The following COL16A1 variants were observed in gnomAD, a reference collection of about 807,000 sequenced individuals.
COL16A1 encodes the protein collagen alpha-1(XVI) chain.
COL16A1 carries 189 observed loss-of-function variants against 266.3 expected under a neutral mutation model. The ratio of observed to expected loss-of-function variants is 0.71; its 90% CI spans 0.63 to 0.80. The LOEUF (loss-of-function observed/expected upper bound fraction) is 0.80. COL16A1 is among the 30% of genes least tolerant of loss of function. The probability of loss-of-function intolerance (pLI) is 0.00; values close to 1 mark genes in which losing one functional copy is unlikely to be tolerated. For missense variants in COL16A1, 1,928 were observed against 2,122.4 expected, an observed-to-expected ratio of 0.91 and a Z score of 1.80; for synonymous variants, 740 against 782.3, an observed-to-expected ratio of 0.95 and a Z score of 0.90.
rs761255035 is a variant in COL16A1 at position 31,692,076 on chromosome 1, G to A, written c.1195-9C>T. On this transcript the variant is annotated splice_polypyrimidine_tract_variant and intron_variant, in intron 16 of 70. Coordinates refer to ENST00000373672, the MANE Select transcript of COL16A1 (RefSeq NM_001856.4). ...TTCTCGCCTTTCTGGCCCTGGGGAA[G>A]GAAGAAGCAGAGTGACCAGGATGAG... is the stretch of plus-strand genomic sequence containing the variant. The A allele has an allele frequency of 2.1e-5, 34 of 1,613,648 alleles. No individual in the cohort carries two copies. In the Admixed American group the frequency reaches 3.7e-4, roughly 17 times the overall value.
intron 1 of COL16A1, among the ~76,000 whole-genome samples, chr1:31,702,724 C>A (rs1644765112): frequency 6.6e-6 from 1 of 152,208 alleles, no homozygotes; most frequent in Admixed American, 6.5e-5. Context: ...CCCTCCCAGG[C>A]ACCCACAGGG....
At chr1:31,665,963 G>T (rs760642068) in intron 53 of COL16A1, 28 bp from the exon 54 acceptor site, 9 of 1,613,838 alleles carry the variant, frequency 5.6e-6, no homozygotes, top group Non-Finnish European at 7.6e-6. Flanking sequence ...CAATGCAGCC[G>T]AAACCTAATC....
At chr1:31,653,531 GA>G in intron 70 of COL16A1, 67 bp downstream of exon 70, 2 of 1,525,400 alleles carry the variant, frequency 1.3e-6, no homozygotes, top group Non-Finnish European at 1.8e-6. Context: ...CTGTGTCATA[GA>G]AGAAACAGAA....
chr1:31,684,925 A>G (rs1445496439), intron 29 of COL16A1, 69 bp from the exon 30 acceptor site: 10 of 1,608,770 alleles, frequency 6.2e-6, no homozygotes, highest in Non-Finnish European at 8.5e-6. Context: ...GCACCACATC[A>G]GGCTGGGGCA....
At position 31,699,846 on chromosome 1, in the gene COL16A1, C is replaced by A. The variant is rs573984488; in HGVS notation, c.233G>T (p.Arg78Leu). Residue 78 changes from arginine (R) to leucine (L), a missense_variant, in exon 4 of 71, where the codon CGC becomes CTC. By Grantham distance (102) the Arg-to-Leu change is moderately radical (BLOSUM62 -2). Around this residue, in one of 2 missense-constraint regions of COL16A1, gnomAD observed 1,552 missense variants for 1,637.2 expected, o/e 0.95. Coordinates refer to ENST00000373672, the MANE Select transcript of COL16A1 (RefSeq NM_001856.4). ...CTGGGTCACGGGGGCCGCCCCCAGG[C>A]GCAGGATGAGAGGCCCCTTGGGGTT... Reference protein sequence around the residue: ...IRNPKGPLILRLGAAPVTQPT... With the variant: ...IRNPKGPLILLLGAAPVTQPT... The A allele has an allele frequency of 1.9e-6, 3 of 1,613,458 alleles. No homozygotes were observed. Among genetic ancestry groups the A allele is most frequent in the Non-Finnish European group, 2.5e-6 (3 of 1,179,550 alleles).
chr1:31,680,675 TG>T lies in COL16A1; in HGVS notation c.2610+229del, dbSNP rs201212324. Among the ~76,000 whole-genome samples, 30 of 152,246 alleles carry T rather than the reference TG, an allele frequency of 2.0e-4. No homozygotes were observed. In the East Asian group the frequency reaches 5.4e-3, roughly 27 times the overall value. ...TCCCAGGCCAGCAACCAGGTGAAGC[TG>T]GGGATACGTGGAGCCCCTGAAACCA... is the stretch of plus-strand genomic sequence containing the variant. On this transcript the variant is annotated intron_variant, in intron 39 of 70. Coordinates refer to ENST00000373672, the MANE Select transcript of COL16A1 (RefSeq NM_001856.4).
intron 8 of COL16A1, among the ~76,000 whole-genome samples, chr1:31,696,560 G>A (rs1644510807): frequency 6.6e-6 from 1 of 152,234 alleles, no homozygotes; most frequent in Non-Finnish European, 1.5e-5. Context: ...CCGGCGCTGG[G>A]CCCAGGAGAG....
Position 31,691,356 on chromosome 1 carries a change from G to T in COL16A1, c.1398+61C>A. The stretch of plus-strand genomic sequence containing the variant: ...CTTATCTTCCCCCCGTTCATTCCCT[G>T]GCCAGGGTGGGAGAGCGGTCTCTGA... On this transcript the variant is annotated intron_variant, in intron 19 of 70. Transcript: ENST00000373672. The T allele has an allele frequency of 3.2e-6, 5 of 1,585,008 alleles. No individual in the cohort carries two copies. In the South Asian group the frequency reaches 5.8e-5, roughly 18 times the overall value.
At chr1:31,686,511 C>T (rs1643984946) in intron 26 of COL16A1, 1 of 685,200 alleles carries the variant, frequency 1.5e-6, no homozygotes, top group African/African-American at 1.8e-5. Context: ...CCACCCTCAG[C>T]CATGTCTCAG....
intron 47 of COL16A1, among the ~76,000 whole-genome samples, chr1:31,672,009 C>T (rs192423743): frequency 6.6e-6 from 1 of 152,278 alleles, no homozygotes; most frequent in East Asian, 1.9e-4. Flanking sequence ...GAGCTGACAC[C>T]TGTAGAATGT....
At chr1:31,690,648 G>C in intron 20 of COL16A1, 75 bp from the exon 21 acceptor site, 1 of 1,563,006 alleles carries the variant, frequency 6.4e-7, no homozygotes, top group African/African-American at 1.4e-5. Context: ...TTCCCCACCC[G>C]TGCCCCTCTG....
In COL16A1 at chr1:31,681,040, C is replaced by T. The variant is rs764136642; in HGVS notation, c.2566G>A (p.Gly856Arg). 1.2e-6 allele frequency: 2 copies of T among 1,613,654 alleles called. No homozygotes were observed. The highest frequency in any genetic ancestry group is 1.7e-6 in the Non-Finnish European group (2 of 1,179,828). The change falls in exon 38 of 71, where the codon GGA (glycine) becomes AGA (arginine). Residue 856 changes from glycine (G) to arginine (R), a missense_variant. By Grantham distance (125) the Gly-to-Arg change is moderately radical. Around this residue, in one of 2 missense-constraint regions of COL16A1, gnomAD observed 1,552 missense variants for 1,637.2 expected, o/e 0.95. Coordinates refer to ENST00000373672, the MANE Select transcript of COL16A1 (RefSeq NM_001856.4). ...PGRDGQQGQT[G>R]LRGTPGEKGP... ...GTACTCACTGGTGTTCCTCTGAGTCCCGTCTGTCCTTGCTGCCCATCACGG... is the reference window on the plus strand; with the variant it reads ...GTACTCACTGGTGTTCCTCTGAGTCTCGTCTGTCCTTGCTGCCCATCACGG...
intron 30 of COL16A1, 50 bp from the exon 31 acceptor site, chr1:31,684,680 G>A (rs1329760361): frequency 6.2e-7 from 1 of 1,608,024 alleles, no homozygotes; most frequent in Non-Finnish European, 8.5e-7. Flanking sequence ...GCCGGGGGCA[G>A]GTTGCCCCCC....
chr1:31,661,252 G>A (rs1641635523), intron 60 of COL16A1, 133 bp from the exon 61 acceptor site: 3 of 1,479,640 alleles, frequency 2.0e-6, no homozygotes, highest in Non-Finnish European at 2.8e-6. Flanking sequence ...CCTCCAGCTG[G>A]TAGACAGAGA....
intron 23 of COL16A1, chr1:31,689,501 C>G (rs939231684): frequency 8.6e-6 from 5 of 579,110 alleles, no homozygotes; most frequent in Non-Finnish European, 1.5e-5. Context: ...AAAAGGCACC[C>G]TAGAGTCTCC....
chr1:31,694,006 C>G (rs77268985), intron 12 of COL16A1, 138 bp downstream of exon 12: 4 of 728,936 alleles, frequency 5.5e-6, no homozygotes. Flanking sequence ...TTCTTTACCA[C>G]GCATACACTT....
rs1230612352 is a variant in COL16A1 at position 31,657,345 on chromosome 1, C to T, written c.4021-277G>A. The T allele has an allele frequency of 2.1e-5, 11 of 530,086 alleles. No homozygotes were observed. Among genetic ancestry groups the T allele is most frequent in the Non-Finnish European group, 3.4e-5 (10 of 294,978 alleles). 32.8% of individuals were successfully genotyped at this position (530,086 alleles called of 1,614,324 possible). On this transcript the variant is annotated intron_variant, in intron 64 of 70. Transcript: ENST00000373672. This position sits in a 1 kb window ranked among gnomAD's most constrained non-coding sequence, Gnocchi z 6.4. Reference sequence around the variant, plus strand: ...TGCCTGCCTTGCTGTGTGCTTGGATCCTGGCACCTTGCACACTCCCTGGCT... The same window carrying T: ...TGCCTGCCTTGCTGTGTGCTTGGATTCTGGCACCTTGCACACTCCCTGGCT...
chr1:31,700,095 G>A lies in COL16A1; in HGVS notation c.94C>T (p.Gln32Ter). ...TGTTCCAATTTGAGTCCTTCCTGCT[G>A]TGAAGGTGGGCATTGTGCACCTAGA... ...ANTGAQCPPS[Q>*]QEGLKLEHSS... The change falls in exon 3 of 71, where the codon CAG becomes TAG. Residue 32 changes from glutamine (Q) to a stop codon, truncating the protein, a stop_gained. Transcript: ENST00000373672. LOFTEE classifies it high-confidence loss of function. The A allele has an allele frequency of 6.2e-7, 1 of 1,614,208 alleles. No individual in the cohort carries two copies. Among genetic ancestry groups the A allele is most frequent in the Non-Finnish European group, 8.5e-7 (1 of 1,180,034 alleles).
chr1:31,694,934 A>G (rs1644428879), intron 11 of COL16A1, among the ~76,000 whole-genome samples: 1 of 152,194 alleles, frequency 6.6e-6, no homozygotes, highest in Non-Finnish European at 1.5e-5. Context: ...GCCGGCCACC[A>G]TCCCGTGCCC....
Sources: gnomAD v4.1 joint callset for allele counts (sites outside exome capture counted in the v4.1 genomes callset) on GRCh38, gnomAD v4.1.1 for gene constraint, gnomAD v4.1.1 regional missense constraint, Gnocchi (gnomAD v3.1) non-coding constraint, MANE v1.5 for transcripts, NCBI Gene and HGNC (gene_info 2026-07-23, HGNC 2026-07-21) for gene names.